Variants in DNAH6 observed in about 807,000 individuals in gnomAD.
DNAH6 encodes the protein axonemal beta dynein heavy chain 6.
Under a neutral mutation model 491.4 loss-of-function variants are expected in DNAH6, and 340 were observed. The ratio of observed to expected loss-of-function variants is 0.69; its 90% CI spans 0.63 to 0.76. The LOEUF is 0.76. Among genes scored for constraint, DNAH6 ranks in the 30% least tolerant of loss-of-function variants. The probability of loss-of-function intolerance (pLI) is 0.00; values close to 1 mark genes in which losing one functional copy is unlikely to be tolerated. For synonymous variants in DNAH6, 1,603 were observed against 1,686.1 expected (o/e 0.95, Z 1.21); for missense variants, 4,443 against 4,972.2 (o/e 0.89, Z 3.20).
chr2:84,712,635 A>G (rs1180847247), intron 56 of DNAH6, among the ~76,000 whole-genome samples: 2 of 152,128 alleles, frequency 1.3e-5, no homozygotes, highest in South Asian at 2.1e-4. Flanking sequence ...TGTTTTTACA[A>G]CCCTTAAAAA....
chr2:84,546,176 A>C (rs962493098), intron 5 of DNAH6, among the ~76,000 whole-genome samples: 2 of 152,112 alleles, frequency 1.3e-5, no homozygotes, highest in African/African-American at 4.8e-5. Context: ...GAATCATACA[A>C]TACACTTGGC....
intron 63 of DNAH6, among the ~76,000 whole-genome samples, chr2:84,749,531 A>G (rs1159654786): frequency 6.6e-6 from 1 of 152,238 alleles, no homozygotes; most frequent in African/African-American, 2.4e-5. Flanking sequence ...TAGGATGTGC[A>G]CTGAAGTTAG....
rs577497642 is a variant in DNAH6 at position 84,773,331 on chromosome 2, C to T, written c.10704-8162C>T. Among the ~76,000 whole-genome samples the T allele has an allele frequency of 1.4e-4, 21 of 152,098 alleles. No individual in the cohort carries two copies. In the East Asian group the frequency reaches 4.1e-3, roughly 29 times the overall value. On this transcript the variant is annotated intron_variant, in intron 64 of 76. Transcript: ENST00000389394. Reference sequence around the variant, plus strand: ...ACATGGAGTATTTAGTTTTCTGTTTCTGTGTTAATTTAGTTATAATAATGA... The same window carrying T: ...ACATGGAGTATTTAGTTTTCTGTTTTTGTGTTAATTTAGTTATAATAATGA...
At chr2:84,675,963 A>T (rs538402128) in intron 40 of DNAH6, among the ~76,000 whole-genome samples, 1 of 151,904 alleles carries the variant, frequency 6.6e-6, no homozygotes, top group South Asian at 2.1e-4. Flanking sequence ...TATGGTATTA[A>T]CCTCTGTCCT....
chr2:84,630,155 T>C (rs1688268518), intron 29 of DNAH6, among the ~76,000 whole-genome samples: 1 of 152,182 alleles, frequency 6.6e-6, no homozygotes, highest in African/African-American at 2.4e-5. Context: ...AAAATTTTTA[T>C]AGAATAATCA....
At chr2:84,490,271 TCTTTC>T in the DNAH6 span, among the ~76,000 whole-genome samples, 3 of 152,100 alleles carry the variant, frequency 2.0e-5, no homozygotes, top group Admixed American at 1.3e-4. Flanking sequence ...TTTTCTTTCT[TCTTTC>T]TTTTCTTTCT....
At chr2:84,602,237 A>C (rs1276165721) in intron 18 of DNAH6, among the ~76,000 whole-genome samples, 1 of 152,024 alleles carries the variant, frequency 6.6e-6, no homozygotes, top group African/African-American at 2.4e-5. Context: ...CAGCCTAAAG[A>C]ATATCCTTTA....
chr2:84,786,622 C>T (rs907478197), intron 67 of DNAH6, among the ~76,000 whole-genome samples: 3 of 151,970 alleles, frequency 2.0e-5, no homozygotes, highest in Admixed American at 1.3e-4. Flanking sequence ...GGAATCAAAC[C>T]TCTGGCATAA....
chr2:84,686,002 T>A (rs913997885), intron 43 of DNAH6, among the ~76,000 whole-genome samples: 3 of 152,048 alleles, frequency 2.0e-5, no homozygotes, highest in Non-Finnish European at 4.4e-5. Context: ...GTCTGGCCAA[T>A]GTAGTGAAAC....
chr2:84,547,708 T>C, intron 7 of DNAH6, 96 bp downstream of exon 7: 2 of 1,256,736 alleles, frequency 1.6e-6, no homozygotes, highest in Admixed American at 2.6e-5. Context: ...AAATAATGAT[T>C]CTATGTTTGA....
chr2:84,540,245 CTGA>C (rs1286508286), intron 4 of DNAH6, among the ~76,000 whole-genome samples: 1 of 151,994 alleles, frequency 6.6e-6, no homozygotes, highest in Non-Finnish European at 1.5e-5. Context: ...AGAAATCAGC[CTGA>C]TTGAAGAGGA....
intron 5 of DNAH6, among the ~76,000 whole-genome samples, chr2:84,546,095 C>T (rs2104532467): frequency 6.6e-6 from 1 of 152,240 alleles, no homozygotes; most frequent in South Asian, 2.1e-4. Context: ...TGTCCCTTCC[C>T]CCAACTATAG....
intron 40 of DNAH6, among the ~76,000 whole-genome samples, chr2:84,673,161 G>T (rs1021213825): frequency 1.2e-4 from 18 of 152,130 alleles, no homozygotes; most frequent in African/African-American, 4.3e-4. Context: ...GCAGGGAAAG[G>T]GAGCGTTTTA....
chr2:84,473,857 T>C, the DNAH6 span, among the ~76,000 whole-genome samples: 15 of 152,166 alleles, frequency 9.9e-5, no homozygotes, highest in Non-Finnish European at 2.2e-4. Flanking sequence ...ACAACATCAA[T>C]TCTTCCCTAG....
At chr2:84,590,277 C>T (rs180812141) in intron 16 of DNAH6, among the ~76,000 whole-genome samples, 19 of 151,982 alleles carry the variant, frequency 1.3e-4, no homozygotes, top group African/African-American at 4.1e-4. Context: ...TGGCAAATCA[C>T]GAGGTCAGGA....
At chr2:84,553,098 G>T in intron 10 of DNAH6, 64 bp downstream of exon 10, 1 of 931,080 alleles carries the variant, frequency 1.1e-6, no homozygotes, top group Non-Finnish European at 1.7e-6. Context: ...CAGCTGTTTT[G>T]CTGTCAATTG....
intron 45 of DNAH6, among the ~76,000 whole-genome samples, chr2:84,692,878 C>T (rs1558918513): frequency 1.3e-5 from 2 of 152,290 alleles, no homozygotes; most frequent in East Asian, 1.9e-4. Flanking sequence ...TGCCTGAAGC[C>T]AGCCTAAAAT....
intron 72 of DNAH6, 71 bp from the exon 73 acceptor site, chr2:84,812,270 C>A: frequency 3.5e-6 from 5 of 1,413,048 alleles, no homozygotes; most frequent in South Asian, 1.4e-5. Flanking sequence ...CCCCTGCTGT[C>A]ATTAATGTGT....
chr2:84,725,520 A>G (rs146139261), intron 60 of DNAH6, among the ~76,000 whole-genome samples: 2 of 152,296 alleles, frequency 1.3e-5, no homozygotes, highest in African/African-American at 4.8e-5. Flanking sequence ...GGATTACCAA[A>G]TCCTGTAATG....
Sources: allele counts gnomAD v4.1 joint callset (sites outside exome capture counted in the v4.1 genomes callset), GRCh38; gene constraint gnomAD v4.1.1; transcripts MANE v1.5; gene names NCBI Gene and HGNC (gene_info 2026-07-23, HGNC 2026-07-21).